PROX1: variants seen among roughly 807,000 people sequenced by gnomAD.
The protein encoded by PROX1 is prospero homeobox protein 1.
Under a neutral mutation model 58.8 loss-of-function variants are expected in PROX1, and 7 were observed. The observed-to-expected ratio is 0.12, with a 90% CI of 0.07 to 0.22. PROX1 has a LOEUF of 0.22. PROX1 is among the 10% of genes least tolerant of loss of function. PROX1 has a pLI of 1.00. For missense variants in PROX1, 675 were observed against 927.8 expected (o/e 0.73, Z 3.54); for synonymous variants, 350 against 358.3 (o/e 0.98, Z 0.26).
At chr1:214,017,734 A>G (rs888328359) in intron 4 of PROX1, among the ~76,000 whole-genome samples, 16 of 152,056 alleles carry the variant, frequency 1.1e-4, no homozygotes, top group African/African-American at 3.6e-4. Context: ...GTACCCCAAC[A>G]GGCGAAGCCA....
chr1:214,011,844 G>A, intron 4 of PROX1, 129 bp downstream of exon 4: 2 of 710,942 alleles, frequency 2.8e-6, no homozygotes, highest in Non-Finnish European at 2.1e-6. Context: ...TAGAGTAACA[G>A]GTAGAGCTGT....
chr1:214,024,165 C>T (rs1276247693), intron 4 of PROX1, among the ~76,000 whole-genome samples: 1 of 152,110 alleles, frequency 6.6e-6, no homozygotes, highest in Non-Finnish European at 1.5e-5. Context: ...TCCAAAAGCC[C>T]CCGAGTTCAT....
chr1:213,992,989 CTT>C (rs1253989017), intron 1 of PROX1, among the ~76,000 whole-genome samples: 8 of 152,132 alleles, frequency 5.3e-5, no homozygotes, highest in African/African-American at 1.9e-4. Flanking sequence ...AAAGGAGACT[CTT>C]TTGGAGTAGT....
intron 4 of PROX1, among the ~76,000 whole-genome samples, chr1:214,013,693 A>G (rs918961624): frequency 2.0e-5 from 3 of 152,222 alleles, no homozygotes; most frequent in African/African-American, 7.2e-5. Flanking sequence ...TGCTCCATTT[A>G]GCATCATCTA....
chr1:214,035,929 G>A lies in PROX1; in HGVS notation c.*95G>A, dbSNP rs1171851898. On this transcript the variant is annotated 3_prime_UTR_variant, in exon 5 of 5. Transcript: ENST00000366958. ...CTAGATTTTGATTTCATATATATGT[G>A]TATGGGAGGCATGGATATGTTATGA... is the stretch of plus-strand genomic sequence containing the variant. 10 of 1,042,430 alleles carry A rather than the reference G, an allele frequency of 9.6e-6. No homozygotes were observed. In the African/African-American group the frequency reaches 1.6e-4, roughly 17 times the overall value. The allele number at this position is 1,042,430 out of a possible 1,614,324, so 64.6% of individuals were successfully genotyped here. A position where few individuals can be genotyped will look rare whatever the true frequency, so the allele number is the denominator to read the frequency against.
chr1:214,015,340 T>C (rs754885560), intron 4 of PROX1, among the ~76,000 whole-genome samples: 47 of 152,124 alleles, frequency 3.1e-4, no homozygotes, highest in Non-Finnish European at 5.7e-4. Context: ...TTTAATGAGA[T>C]TGGCAACAAT....
At position 214,039,663 on chromosome 1, in the gene PROX1, A is replaced by G. The variant is rs577569915; in HGVS notation, c.*3829A>G. 1 of 152,346 alleles carries G rather than the reference A, an allele frequency of 6.6e-6. No individual in the cohort carries two copies. Among genetic ancestry groups the G allele is most frequent in the South Asian group, 2.1e-4 (1 of 4,834 alleles). The allele number at this position is 152,346 out of a possible 1,614,324, so 9.4% of individuals were successfully genotyped here. On this transcript the variant is annotated 3_prime_UTR_variant, in exon 5 of 5. Coordinates refer to ENST00000366958, the MANE Select transcript of PROX1 (RefSeq NM_001270616.2). ...CTTGAAAATCCTGCTCTCTCCTTTT[A>G]AAAGTTAACAATCTCTTTTATCAGA...
chr1:213,986,420 C>A (rs1342926915), upstream of PROX1: 1 of 152,180 alleles, frequency 6.6e-6, no homozygotes, highest in Non-Finnish European at 1.5e-5. Flanking sequence ...GACATACTAA[C>A]ATCGCTATTC....
rs761424919 is a variant in PROX1 at position 213,998,002 on chromosome 1, G to A, written c.1467G>A (p.Met489Ile). The A allele has an allele frequency of 1.9e-6, 3 of 1,613,304 alleles. No homozygotes were observed. Among genetic ancestry groups the A allele is most frequent in the Non-Finnish European group, 2.5e-6 (3 of 1,179,594 alleles). The change falls in exon 2 of 5, where the codon ATG becomes ATA. Residue 489 changes from methionine (M) to isoleucine (I), a missense_variant. Physicochemically the swap from Met to Ile is conservative, Grantham distance 10 (BLOSUM62 1). Coordinates refer to ENST00000366958, the MANE Select transcript of PROX1 (RefSeq NM_001270616.2). The stretch of plus-strand genomic sequence containing the variant: ...GCCACCCCTTCCCCCTTCCCTTGAT[G>A]GCCTATCCATTTCAGAGCCCATTAG... The part of the protein sequence containing the change: ...TFRHPFPLPL[M>I]AYPFQSPLGA...
In PROX1 at chr1:214,031,353, G is replaced by GT. The variant is rs556056630; in HGVS notation, c.2029-4293dup. On this transcript the variant is annotated intron_variant, in intron 4 of 4. Transcript: ENST00000366958. ...TGGGATGCCTTTTTATCAAAACAAAGTTTCCACTCTCCTCTCCTGAGGAAC... is the reference window on the plus strand; with the variant it reads ...TGGGATGCCTTTTTATCAAAACAAAGTTTTCCACTCTCCTCTCCTGAGGAAC... Among the ~76,000 whole-genome samples, 1,452 of 152,206 alleles carry GT rather than the reference G, an allele frequency of 9.5e-3. 15 individuals carry two copies. Among genetic ancestry groups the GT allele is most frequent in the Non-Finnish European group, 0.014 (966 of 68,004 alleles).
At chr1:214,033,673 G>A (rs539532507) in intron 4 of PROX1, among the ~76,000 whole-genome samples, 2 of 152,212 alleles carry the variant, frequency 1.3e-5, no homozygotes, top group Non-Finnish European at 2.9e-5. Flanking sequence ...CAAGGAGTGA[G>A]AGTGGGCAGT....
intron 4 of PROX1, among the ~76,000 whole-genome samples, chr1:214,025,957 C>T (rs1237487037): frequency 5.9e-5 from 9 of 152,168 alleles, no homozygotes; most frequent in African/African-American, 1.7e-4. Flanking sequence ...CCACCGCACC[C>T]GGCCAATTCC....
At chr1:214,028,856 T>A (rs930666021) in intron 4 of PROX1, 4 of 152,256 alleles carry the variant, frequency 2.6e-5, no homozygotes, top group African/African-American at 4.8e-5. Flanking sequence ...AGTAACCACA[T>A]CTTGTGACCA....
intron 2 of PROX1, 116 bp from the exon 3 acceptor site, chr1:214,005,049 G>T: frequency 1.4e-6 from 1 of 740,156 alleles, no homozygotes; most frequent in Non-Finnish European, 2.3e-6. Flanking sequence ...ATACCTTCCA[G>T]CACTCCCACC....
At chr1:214,017,024 G>A (rs1361061523) in intron 4 of PROX1, among the ~76,000 whole-genome samples, 1 of 152,120 alleles carries the variant, frequency 6.6e-6, no homozygotes, top group African/African-American at 2.4e-5. Context: ...TAAAGAAAAA[G>A]ATACAGTGTA....
At chr1:214,021,964 T>C (rs76991740) in intron 4 of PROX1, among the ~76,000 whole-genome samples, 2,261 of 152,336 alleles carry the variant, frequency 0.015, 23 homozygotes, top group Non-Finnish European at 0.019. Flanking sequence ...TAATGACAGC[T>C]CTGGGGGAAA....
Position 213,996,478 on chromosome 1 carries a change from A to C in PROX1, c.-58A>C, listed in dbSNP as rs1663266098. 2.6e-6 allele frequency: 4 copies of C among 1,534,124 alleles called. No individual in the cohort carries two copies. The highest frequency in any genetic ancestry group is 3.5e-6 in the Non-Finnish European group (4 of 1,140,268). On this transcript the variant is annotated 5_prime_UTR_variant, in exon 2 of 5. Coordinates refer to ENST00000366958, the MANE Select transcript of PROX1 (RefSeq NM_001270616.2). Reference sequence around the variant, plus strand: ...TTGTTCTGTTGGCCAGGGTCCCGGGATTCTTGAGCTGTGCCCAGCTGACGA... The same window carrying C: ...TTGTTCTGTTGGCCAGGGTCCCGGGCTTCTTGAGCTGTGCCCAGCTGACGA...
chr1:214,010,993 A>G (rs1177573931), intron 3 of PROX1, among the ~76,000 whole-genome samples: 2 of 152,192 alleles, frequency 1.3e-5, no homozygotes, highest in African/African-American at 2.4e-5. Context: ...TGCCAAAAAA[A>G]TAAGCAAATG....
Position 214,036,378 on chromosome 1 carries a change from G to C in PROX1, c.*544G>C, listed in dbSNP as rs1359538183. ...TTTAAAAATAATTCCAATGACAGATGAGCAGCTCACTTTTCCAAAGTACCC... is the reference window on the plus strand; with the variant it reads ...TTTAAAAATAATTCCAATGACAGATCAGCAGCTCACTTTTCCAAAGTACCC... On this transcript the variant is annotated 3_prime_UTR_variant, in exon 5 of 5. Transcript: ENST00000366958. 1 of 151,952 alleles carries C rather than the reference G, an allele frequency of 6.6e-6. No homozygotes were observed. Among genetic ancestry groups the C allele is most frequent in the Admixed American group, 6.6e-5 (1 of 15,262 alleles). 9.4% of individuals were successfully genotyped at this position (151,952 alleles called of 1,614,324 possible). A position where few individuals can be genotyped will look rare whatever the true frequency, so the allele number is the denominator to read the frequency against.
Sources: gnomAD v4.1 joint callset for allele counts (sites outside exome capture counted in the v4.1 genomes callset) on GRCh38, gnomAD v4.1.1 for gene constraint, MANE v1.5 for transcripts, NCBI Gene and HGNC (gene_info 2026-07-23, HGNC 2026-07-21) for gene names.